CRPPA: variants seen among roughly 807,000 people sequenced by gnomAD.
CRPPA encodes the protein CDP-L-ribitol pyrophosphorylase A.
Under a neutral mutation model 52.0 loss-of-function variants are expected in CRPPA, and 43 were observed. That is an observed-to-expected ratio of 0.83 (90% CI 0.65 to 1.07). The LOEUF (loss-of-function observed/expected upper bound fraction) is 1.07. CRPPA is among the 50% of genes least tolerant of loss of function. The pLI is 0.00. For synonymous variants in CRPPA, 250 were observed against 203.5 expected (o/e 1.23, Z -1.94); for missense variants, 629 against 551.7 (o/e 1.14, Z -1.40).
intron 4 of CRPPA, among the ~76,000 whole-genome samples, chr7:16,306,620 T>C (rs58011154): frequency 0.073 from 11,181 of 152,268 alleles, 635 homozygotes; most frequent in African/African-American, 0.16. Flanking sequence ...CCAGGGATTA[T>C]TGACATGTCA....
intron 9 of CRPPA, among the ~76,000 whole-genome samples, chr7:16,190,197 A>T (rs985862095): frequency 6.6e-6 from 1 of 152,198 alleles, no homozygotes; most frequent in Non-Finnish European, 1.5e-5. Flanking sequence ...GCATGTGCCT[A>T]TACCTGCACA....
At chr7:16,326,692 C>T (rs1450699086) in intron 3 of CRPPA, among the ~76,000 whole-genome samples, 1 of 152,302 alleles carries the variant, frequency 6.6e-6, no homozygotes, top group South Asian at 2.1e-4. Context: ...AATCCTATAG[C>T]ATTTGTTAAG....
chr7:16,228,435 T>G (rs1384047538), intron 8 of CRPPA, among the ~76,000 whole-genome samples: 1 of 151,976 alleles, frequency 6.6e-6, no homozygotes, highest in East Asian at 1.9e-4. Flanking sequence ...TGTAGGTGTA[T>G]GTTGCTATCA....
intron 9 of CRPPA, among the ~76,000 whole-genome samples, chr7:16,213,146 C>G (rs1782197162): frequency 1.3e-5 from 2 of 152,184 alleles, no homozygotes; most frequent in Admixed American, 6.5e-5. Flanking sequence ...TTGAACTATT[C>G]ATGCCAGAAA....
intron 8 of CRPPA, among the ~76,000 whole-genome samples, chr7:16,254,076 A>C (rs1021700050): frequency 6.6e-5 from 10 of 152,184 alleles, no homozygotes; most frequent in African/African-American, 2.4e-4. Context: ...ATCATTAAAA[A>C]GTCAGGAAAC....
At chr7:16,285,560 T>C (rs1452790196) in intron 5 of CRPPA, among the ~76,000 whole-genome samples, 1 of 152,152 alleles carries the variant, frequency 6.6e-6, no homozygotes, top group African/African-American at 2.4e-5. Flanking sequence ...AAAGGTCACA[T>C]AGTTTGATGT....
intron 9 of CRPPA, among the ~76,000 whole-genome samples, chr7:16,095,402 T>A (rs970104446): frequency 6.6e-6 from 1 of 151,968 alleles, no homozygotes; most frequent in African/African-American, 2.4e-5. Context: ...GGATAACATT[T>A]TTTGTGGGAA....
At chr7:16,144,323 C>G (rs193302028) in intron 9 of CRPPA, among the ~76,000 whole-genome samples, 13 of 152,192 alleles carry the variant, frequency 8.5e-5, no homozygotes, top group Admixed American at 6.5e-4. Context: ...AGTACTGTGA[C>G]CTGACTTCCA....
intron 2 of CRPPA, among the ~76,000 whole-genome samples, chr7:16,378,858 C>T (rs1490482078): frequency 6.6e-6 from 1 of 152,120 alleles, no homozygotes; most frequent in Non-Finnish European, 1.5e-5. Context: ...TCTCTGATGG[C>T]CAGTGATGGT....
chr7:16,256,464 G>A (rs1783643302), intron 8 of CRPPA, among the ~76,000 whole-genome samples: 1 of 152,132 alleles, frequency 6.6e-6, no homozygotes, highest in Admixed American at 6.6e-5. Context: ...ACATGCACAC[G>A]TATGTTTATT....
At position 16,111,850 on chromosome 7, in the gene CRPPA, G is replaced by A. The variant is rs1389643734; in HGVS notation, c.1252-20051C>T. ...TTTTATTTTTTAGTTCTATTGCAATGTGGTGAATATAGTTAATAATGGGAA... is the reference window on the plus strand; with the variant it reads ...TTTTATTTTTTAGTTCTATTGCAATATGGTGAATATAGTTAATAATGGGAA... On this transcript the variant is annotated intron_variant, in intron 9 of 9. Transcript: ENST00000407010. Among the ~76,000 whole-genome samples the A allele has an allele frequency of 2.0e-5, 3 of 152,134 alleles. No individual in the cohort carries two copies. In the East Asian group the frequency reaches 5.8e-4, roughly 29 times the overall value.
intron 2 of CRPPA, among the ~76,000 whole-genome samples, chr7:16,400,204 G>A (rs6949353): frequency 0.48 from 72,702 of 151,734 alleles, 18,464 homozygotes; most frequent in African/African-American, 0.64. Flanking sequence ...TTGAAACATG[G>A]TTGGCATGTG....
chr7:16,108,848 G>A (rs573369929), intron 9 of CRPPA, among the ~76,000 whole-genome samples: 2 of 151,882 alleles, frequency 1.3e-5, no homozygotes, highest in East Asian at 3.9e-4. Flanking sequence ...TAAACAACAT[G>A]CTACTGAAAG....
At chr7:16,240,572 T>TAC (rs71549978) in intron 8 of CRPPA, among the ~76,000 whole-genome samples, 6,383 of 148,066 alleles carry the variant, frequency 0.043, 251 homozygotes, top group East Asian at 0.14. Flanking sequence ...TTATTACACA[T>TAC]ACACACACAC....
At chr7:16,368,215 T>C (rs1257667820) in intron 3 of CRPPA, among the ~76,000 whole-genome samples, 1 of 152,236 alleles carries the variant, frequency 6.6e-6, no homozygotes, top group Non-Finnish European at 1.5e-5. Flanking sequence ...AAGAATCCAC[T>C]GGACCAATCC....
intron 2 of CRPPA, among the ~76,000 whole-genome samples, chr7:16,383,046 C>T (rs1206745646): frequency 6.6e-6 from 1 of 152,214 alleles, no homozygotes; most frequent in African/African-American, 2.4e-5. Context: ...GAACTGCGTT[C>T]CTTTGGAGGA....
At position 16,139,725 on chromosome 7, in the gene CRPPA, T is replaced by A. The variant is rs1171000485; in HGVS notation, c.1252-47926A>T. Among the ~76,000 whole-genome samples the A allele has an allele frequency of 2.0e-5, 3 of 152,196 alleles. No homozygotes were observed. The East Asian group carries it at 5.8e-4, about 29-fold the overall frequency. ...ATATAGTAAACCCAAGAAAAATCGA[T>A]CAATAAAGGAAGAAAGGAAAAGAAA... is the stretch of plus-strand genomic sequence containing the variant. On this transcript the variant is annotated intron_variant, in intron 9 of 9. Transcript: ENST00000407010.
intron 9 of CRPPA, among the ~76,000 whole-genome samples, chr7:16,182,596 G>A (rs758073582): frequency 6.6e-6 from 1 of 150,452 alleles, no homozygotes; most frequent in Non-Finnish European, 1.5e-5. Flanking sequence ...AGATAGGTCT[G>A]TACAGAGCAT....
In CRPPA at chr7:16,171,716, C is replaced by T. The variant is rs150638537; in HGVS notation, c.1251+44350G>A. ...GCTGAGGCAGGAGAACTGCGTGAAC[C>T]CAGGAGGCGGAGCTTGCAGTGAGCC... On this transcript the variant is annotated intron_variant, in intron 9 of 9. Transcript: ENST00000407010. 2.9e-3 allele frequency among the ~76,000 whole-genome samples: 448 copies of T among 152,284 alleles called. 2 individuals are homozygous for T. Among genetic ancestry groups the T allele is most frequent in the African/African-American group, 0.01 (436 of 41,548 alleles).
Sources: gnomAD v4.1 joint callset for allele counts (sites outside exome capture counted in the v4.1 genomes callset) on GRCh38, gnomAD v4.1.1 for gene constraint, MANE v1.5 for transcripts, NCBI Gene and HGNC (gene_info 2026-07-23, HGNC 2026-07-21) for gene names.